PGAP1: variants seen among roughly 807,000 people sequenced by gnomAD.
PGAP1 encodes the protein GPI inositol-deacylase.
Under a neutral mutation model 127.0 loss-of-function variants are expected in PGAP1, and 76 were observed. The observed-to-expected ratio is 0.60, with a 90% CI of 0.50 to 0.72. The LOEUF is 0.72. Ranked by LOEUF, PGAP1 falls within the 30% of genes least tolerant of loss-of-function variation. PGAP1 has a pLI of 0.00. For synonymous variants in PGAP1, 362 were observed against 366.5 expected, an observed-to-expected ratio of 0.99 and a Z score of 0.14; for missense variants, 982 against 1,071.3, an observed-to-expected ratio of 0.92 and a Z score of 1.16.
chr2:196,871,506 G>A (rs1055803657), intron 18 of PGAP1, among the ~76,000 whole-genome samples: 2 of 152,012 alleles, frequency 1.3e-5, no homozygotes, highest in African/African-American at 4.8e-5. Context: ...GCAGTAGTTG[G>A]AGTCAAATTT....
chr2:196,916,743 GAACA>G, intron 2 of PGAP1, 150 bp from the exon 3 acceptor site: 1 of 675,840 alleles, frequency 1.5e-6, no homozygotes, highest in Admixed American at 3.7e-5. Flanking sequence ...CACCAATTTA[GAACA>G]AACTAATCTA....
At chr2:196,849,520 C>T (rs970082884) in intron 20 of PGAP1, among the ~76,000 whole-genome samples, 1 of 151,744 alleles carries the variant, frequency 6.6e-6, no homozygotes, top group African/African-American at 2.4e-5. Flanking sequence ...GTGATCCACC[C>T]GCCTCAGTCT....
intron 10 of PGAP1, among the ~76,000 whole-genome samples, chr2:196,888,944 A>C (rs1182788239): frequency 6.6e-6 from 1 of 152,210 alleles, no homozygotes; most frequent in Admixed American, 6.5e-5. Flanking sequence ...ATGACAGAGT[A>C]TTGATAACTG....
chr2:196,870,889 G>C, intron 19 of PGAP1, 52 bp downstream of exon 19: 1 of 1,485,318 alleles, frequency 6.7e-7, no homozygotes, highest in South Asian at 1.2e-5. Context: ...CTTCCTTAGA[G>C]TTATCTATTC....
At chr2:196,858,837 G>T (rs1203836956) in intron 20 of PGAP1, among the ~76,000 whole-genome samples, 1 of 152,010 alleles carries the variant, frequency 6.6e-6, no homozygotes, top group Non-Finnish European at 1.5e-5. Flanking sequence ...AAAGAGAGAA[G>T]ATGCAAATAA....
intron 19 of PGAP1, among the ~76,000 whole-genome samples, chr2:196,866,859 A>T (rs1019658723): frequency 3.9e-5 from 6 of 152,234 alleles, no homozygotes; most frequent in Non-Finnish European, 8.8e-5. Flanking sequence ...GCCAACAAAC[A>T]TATGAAAAAA....
intron 4 of PGAP1, among the ~76,000 whole-genome samples, chr2:196,912,580 T>TAAAAAAAA: frequency 2.4e-5 from 2 of 82,480 alleles, no homozygotes; most frequent in Non-Finnish European, 5.0e-5. Context: ...ACCCTGTCTT[T>TAAAAAAAA]AAAAAAAAAA....
At chr2:196,855,728 T>G (rs116174469) in intron 20 of PGAP1, among the ~76,000 whole-genome samples, 193 of 152,314 alleles carry the variant, frequency 1.3e-3, no homozygotes, top group Non-Finnish European at 2.1e-3. Context: ...CCTACAAAAT[T>G]TGGAAACTAC....
chr2:196,872,714 T>C (rs1249408423), intron 17 of PGAP1, 165 bp from the exon 18 acceptor site: 7 of 616,930 alleles, frequency 1.1e-5, no homozygotes, highest in East Asian at 1.1e-4. Context: ...ATTGTTTGAA[T>C]GCTCCCTCTA....
intron 24 of PGAP1, 81 bp downstream of exon 24, chr2:196,844,443 T>C: frequency 1.0e-6 from 1 of 974,310 alleles, no homozygotes. Flanking sequence ...TATGAAATAC[T>C]AACCTTAAAA....
chr2:196,913,731 A>G (rs1394997219), intron 3 of PGAP1, among the ~76,000 whole-genome samples: 1 of 152,198 alleles, frequency 6.6e-6, no homozygotes, highest in Admixed American at 6.5e-5. Flanking sequence ...CTTGTGCAGA[A>G]GAGTTAACAT....
chr2:196,864,390 C>CAA (rs752788293), intron 20 of PGAP1, among the ~76,000 whole-genome samples: 1,405 of 30,146 alleles, frequency 0.047, 36 homozygotes, highest in Non-Finnish European at 0.057. Flanking sequence ...AACTACGTCT[C>CAA]AAAAAAAAAA....
chr2:196,921,048 T>C (rs902322665), intron 1 of PGAP1, among the ~76,000 whole-genome samples: 4 of 152,094 alleles, frequency 2.6e-5, no homozygotes, highest in African/African-American at 9.7e-5. Flanking sequence ...CCAATTACAT[T>C]GGACGGTAAT....
chr2:196,873,658 C>G, intron 15 of PGAP1, 27 bp downstream of exon 15: 2 of 1,599,964 alleles, frequency 1.3e-6, no homozygotes, highest in South Asian at 2.2e-5. Context: ...AAATCAAATC[C>G]TTTTTCTTGT....
intron 19 of PGAP1, among the ~76,000 whole-genome samples, chr2:196,867,029 T>C (rs1701266119): frequency 6.6e-6 from 1 of 152,198 alleles, no homozygotes; most frequent in Non-Finnish European, 1.5e-5. Flanking sequence ...TTTTACACTG[T>C]TGGTGGGAGT....
intron 4 of PGAP1, among the ~76,000 whole-genome samples, chr2:196,904,552 A>G (rs1459932580): frequency 1.3e-5 from 2 of 152,086 alleles, no homozygotes; most frequent in East Asian, 1.9e-4. Flanking sequence ...CCTGGCCAAC[A>G]TGGTGAAACA....
intron 12 of PGAP1, 114 bp from the exon 13 acceptor site, chr2:196,880,267 C>T: frequency 1.5e-6 from 1 of 655,966 alleles, no homozygotes; most frequent in East Asian, 3.4e-5. Flanking sequence ...AGCAGGCTTC[C>T]AATTTATGTT....
chr2:196,875,914 T>C (rs1254119864), intron 13 of PGAP1, 93 bp from the exon 14 acceptor site: 5 of 660,704 alleles, frequency 7.6e-6, no homozygotes, highest in African/African-American at 5.5e-5. Flanking sequence ...TAAAAGTCTA[T>C]AAACCTCAGC....
chr2:196,850,711 G>C (rs1303298858), intron 20 of PGAP1, among the ~76,000 whole-genome samples: 4 of 151,158 alleles, frequency 2.6e-5, no homozygotes, highest in Admixed American at 1.3e-4. Flanking sequence ...ATGGAAGGAA[G>C]GGAGGAAGGG....
Sources: gnomAD v4.1 joint callset for allele counts (sites outside exome capture counted in the v4.1 genomes callset) on GRCh38, gnomAD v4.1.1 for gene constraint, MANE v1.5 for transcripts, NCBI Gene and HGNC (gene_info 2026-07-23, HGNC 2026-07-21) for gene names.